Variants in EXOSC9 observed in about 807,000 individuals in gnomAD.
EXOSC9 encodes the protein exosome complex component RRP45.
A neutral mutation model predicts 56.5 loss-of-function variants in EXOSC9; 38 were observed. The observed-to-expected ratio is 0.67, with a 90% confidence interval of 0.52 to 0.88. The LOEUF (loss-of-function observed/expected upper bound fraction) is 0.88, where lower values mean the gene tolerates loss of function less well. EXOSC9 is among the 40% of genes least tolerant of loss of function. The probability of loss-of-function intolerance (pLI) is 0.00; values close to 1 mark genes in which losing one functional copy is unlikely to be tolerated. For synonymous variants in EXOSC9, 170 were observed against 170.8 expected (o/e 0.99, Z 0.04); for missense variants, 559 against 530.5 (o/e 1.05, Z -0.53).
In EXOSC9 at chr4:121,802,047, A is replaced by G. The variant is rs532237124; in HGVS notation, c.161+126A>G. 3 of 697,266 alleles carry G rather than the reference A, an allele frequency of 4.3e-6. No individual in the cohort carries two copies. In the South Asian group the frequency reaches 5.7e-5, roughly 13 times the overall value. 43.2% of individuals were successfully genotyped at this position (697,266 alleles called of 1,614,324 possible). ...ATTCTTTGTTTAGCTGACAAAAATA[A>G]GTATTTTTTTATGCGAGATTTTTTG... is the stretch of plus-strand genomic sequence containing the variant. On this transcript the variant is annotated intron_variant, in intron 2 of 11. Coordinates refer to ENST00000243498, the MANE Select transcript of EXOSC9 (RefSeq NM_005033.3).
intron 5 of EXOSC9, among the ~76,000 whole-genome samples, chr4:121,805,809 CTT>C (rs1190137116): frequency 7.6e-5 from 6 of 79,090 alleles, no homozygotes; most frequent in Non-Finnish European, 9.4e-5. Context: ...TTTTTTTTTT[CTT>C]TTTTTTTTTT....
chr4:121,803,681 C>T (rs750329400), intron 4 of EXOSC9, among the ~76,000 whole-genome samples: 32 of 152,030 alleles, frequency 2.1e-4, no homozygotes, highest in South Asian at 2.1e-4. Flanking sequence ...CTGGAACTAC[C>T]GGCGCCTGCC....
chr4:121,801,784 A>G, intron 1 of EXOSC9, 43 bp from the exon 2 acceptor site: 1 of 1,529,036 alleles, frequency 6.5e-7, no homozygotes, highest in South Asian at 1.1e-5. Context: ...CTTAAGAAAT[A>G]CTTGTTGAAG....
At chr4:121,809,616 G>C (rs1727146627) in intron 6 of EXOSC9, among the ~76,000 whole-genome samples, 1 of 151,960 alleles carries the variant, frequency 6.6e-6, no homozygotes, top group African/African-American at 2.4e-5. Flanking sequence ...AGGACATTAG[G>C]GCAACTTTAG....
At position 121,811,565 on chromosome 4, in the gene EXOSC9, A is replaced by G. The variant is rs200433572; in HGVS notation, c.739-18A>G. On this transcript the variant is annotated intron_variant, in intron 7 of 11. Transcript: ENST00000243498. ...TGGTTTATTGTCTTTAAACAACAGAATTCACTTTTATAAATAGGTTCTGAG... is the reference window on the plus strand; with the variant it reads ...TGGTTTATTGTCTTTAAACAACAGAGTTCACTTTTATAAATAGGTTCTGAG... 209 of 1,454,438 alleles carry G rather than the reference A, an allele frequency of 1.4e-4. No homozygotes were observed. The highest frequency in any genetic ancestry group is 1.7e-4 in the Non-Finnish European group (179 of 1,062,576). The allele number at this position is 1,454,438 out of a possible 1,614,324, so 90.1% of individuals were successfully genotyped here. A position where few individuals can be genotyped will look rare whatever the true frequency, so the allele number is the denominator to read the frequency against.
At chr4:121,810,380 T>TAAA (rs11323170) in intron 7 of EXOSC9, among the ~76,000 whole-genome samples, 1 of 148,148 alleles carries the variant, frequency 6.8e-6, no homozygotes. Flanking sequence ...ATATCCCTAT[T>TAAA]AAAAAAAAAA....
intron 5 of EXOSC9, among the ~76,000 whole-genome samples, chr4:121,805,951 A>G (rs544495270): frequency 1.1e-4 from 17 of 151,688 alleles, no homozygotes; most frequent in East Asian, 3.9e-4. Context: ...GACTACAGGT[A>G]TGTGCCACCC....
In EXOSC9 at chr4:121,813,973, G is replaced by C. The variant is rs768969604; in HGVS notation, c.1082G>C (p.Gly361Ala). The stretch of plus-strand genomic sequence containing the variant: ...TCTGAGAAGGAAGATGATGAAGGCG[G>C]TGGTGATCAAGCTATCATTCTTGAT... The part of the protein sequence containing the change: ...EDSEKEDDEG[G>A]GDQAIILDGI... The change falls in exon 10 of 12, where the codon GGT becomes GCT. Residue 361 changes from glycine (G) to alanine (A), a missense_variant. Coordinates refer to ENST00000243498, the MANE Select transcript of EXOSC9 (RefSeq NM_005033.3). 20 of 1,613,686 alleles carry C rather than the reference G, an allele frequency of 1.2e-5. 1 individual carries two copies. The South Asian group carries it at 2.1e-4, about 17-fold the overall frequency.
At chr4:121,801,735 C>T in intron 1 of EXOSC9, 92 bp from the exon 2 acceptor site, 1 of 1,109,596 alleles carries the variant, frequency 9.0e-7, no homozygotes, top group Non-Finnish European at 1.4e-6. Flanking sequence ...TTCCACTTTC[C>T]CCCAAGTGCT....
At chr4:121,816,323 A>T in intron 10 of EXOSC9, 46 bp from the exon 11 acceptor site, 1 of 1,101,784 alleles carries the variant, frequency 9.1e-7, no homozygotes, top group South Asian at 1.8e-5. Flanking sequence ...TTTGCAAGAG[A>T]TTGCTTAACT....
intron 5 of EXOSC9, 63 bp from the exon 6 acceptor site, chr4:121,807,477 A>T (rs1010568611): frequency 1.1e-6 from 1 of 922,952 alleles, no homozygotes; most frequent in African/African-American, 1.7e-5. Context: ...GATGTGCAAG[A>T]TGATTTTTTT....
At chr4:121,816,678 T>G in intron 11 of EXOSC9, 94 bp from the exon 12 acceptor site, 1 of 1,292,326 alleles carries the variant, frequency 7.7e-7, no homozygotes, top group Middle Eastern at 2.1e-4. Context: ...CTGACACATT[T>G]TAGATCCTAC....
chr4:121,813,161 T>C (rs761867034), intron 8 of EXOSC9, 73 bp from the exon 9 acceptor site: 4 of 1,375,676 alleles, frequency 2.9e-6, no homozygotes, highest in Non-Finnish European at 4.0e-6. Flanking sequence ...ATAGTTTTTT[T>C]CCCTTCCTGT....
chr4:121,809,030 C>T (rs1727130076), intron 6 of EXOSC9, among the ~76,000 whole-genome samples: 1 of 151,396 alleles, frequency 6.6e-6, no homozygotes, highest in African/African-American at 2.4e-5. Context: ...TCACTCTCAC[C>T]CAGGCTGGAG....
chr4:121,802,715 T>G lies in EXOSC9; in HGVS notation c.203T>G (p.Leu68Arg), dbSNP rs763643568. Residue 68 changes from leucine (L) to arginine (R), a missense_variant, in exon 3 of 12, where the codon CTC becomes CGC. By Grantham distance (102) the Leu-to-Arg change is moderately radical. Coordinates refer to ENST00000243498, the MANE Select transcript of EXOSC9 (RefSeq NM_005033.3). ...TCCTGTGAACTTGTGTCTCCAAAAC[T>G]CAATCGGGCAACAGAAGGTATTCTT... Reference protein sequence around the residue: ...QVSCELVSPKLNRATEGILFF... With the variant: ...QVSCELVSPKRNRATEGILFF... 24 of 1,614,034 alleles carry G rather than the reference T, an allele frequency of 1.5e-5. No homozygotes were observed. The East Asian group carries it at 2.9e-4, about 19-fold the overall frequency.
Position 121,814,053 on chromosome 4 carries a change from T to C in EXOSC9, c.1156+6T>C, listed in dbSNP as rs763764397. The C allele has an allele frequency of 2.6e-6, 4 of 1,549,056 alleles. No homozygotes were observed. Among genetic ancestry groups the C allele is most frequent in the Non-Finnish European group, 3.5e-6 (4 of 1,151,410 alleles). On this transcript the variant is annotated splice_donor_region_variant and intron_variant, in intron 10 of 11. Coordinates refer to ENST00000243498, the MANE Select transcript of EXOSC9 (RefSeq NM_005033.3). ...CTCTGATATTGGAAGCCAAGGTAGG[T>C]GACACTTTATGGCACACTTACTATA...
intron 5 of EXOSC9, 95 bp from the exon 6 acceptor site, chr4:121,807,444 AG>A (rs1490554179): frequency 1.5e-6 from 1 of 679,534 alleles, no homozygotes; most frequent in East Asian, 2.8e-5. Context: ...AAAAGAATAA[AG>A]GAACTTCATT....
intron 8 of EXOSC9, among the ~76,000 whole-genome samples, chr4:121,812,637 C>T (rs985173026): frequency 7.2e-5 from 11 of 152,130 alleles, no homozygotes; most frequent in Non-Finnish European, 1.0e-4. Context: ...ATTACAGATG[C>T]ATACCACCAT....
chr4:121,814,662 G>C (rs1177691332), intron 10 of EXOSC9: 1 of 152,138 alleles, frequency 6.6e-6, no homozygotes, highest in African/African-American at 2.4e-5. Context: ...TGTGGCTTGT[G>C]TTACTGAGAA....
Sources: gnomAD v4.1 joint callset for allele counts (sites outside exome capture counted in the v4.1 genomes callset) on GRCh38, gnomAD v4.1.1 for gene constraint, MANE v1.5 for transcripts, NCBI Gene and HGNC (gene_info 2026-07-23, HGNC 2026-07-21) for gene names.